AFF4: variants seen among roughly 807,000 people sequenced by gnomAD.
The protein encoded by AFF4 is AF4/FMR2 family member 4.
AFF4 carries 13 observed loss-of-function variants against 124.8 expected under a neutral mutation model. The observed-to-expected ratio is 0.10, with a 90% CI of 0.07 to 0.17. The LOEUF (loss-of-function observed/expected upper bound fraction) is 0.17. Ranked by LOEUF, AFF4 falls within the 10% of genes least tolerant of loss-of-function variation. The pLI, the probability that AFF4 is intolerant of heterozygous loss-of-function variation, is 1.00. For synonymous variants in AFF4, 477 were observed against 496.1 expected (o/e 0.96, Z 0.51); for missense variants, 1,092 against 1,403.8 (o/e 0.78, Z 3.55).
intron 13 of AFF4, 126 bp from the exon 14 acceptor site, chr5:132,889,299 G>T: frequency 5.1e-6 from 3 of 592,840 alleles, no homozygotes; most frequent in Admixed American, 3.1e-5. Context: ...GAATTTCCTT[G>T]TTACAAAACT....
At chr5:132,939,114 G>T (rs1761505903) in intron 1 of AFF4, among the ~76,000 whole-genome samples, 1 of 150,940 alleles carries the variant, frequency 6.6e-6, no homozygotes, top group Admixed American at 6.6e-5. Flanking sequence ...CTTCTCGGGA[G>T]GCTCAAGCAA....
At chr5:132,885,443 T>TA (rs1368003053) in intron 18 of AFF4, among the ~76,000 whole-genome samples, 8 of 103,278 alleles carry the variant, frequency 7.7e-5, no homozygotes, top group African/African-American at 3.3e-4. Context: ...ATCGTTTTTT[T>TA]TAAAAAACTC....
At chr5:132,919,976 T>C (rs1040637903) in intron 5 of AFF4, among the ~76,000 whole-genome samples, 3 of 149,810 alleles carry the variant, frequency 2.0e-5, no homozygotes, top group African/African-American at 7.3e-5. Flanking sequence ...AGACCTGGTC[T>C]CTTATTTAAA....
chr5:132,877,574 T>C lies in AFF4; in HGVS notation c.*3485A>G, dbSNP rs1581261988. 4.8e-6 allele frequency: 1 copy of C among 208,474 alleles called. No homozygotes were observed. Among genetic ancestry groups the C allele is most frequent in the African/African-American group, 2.3e-5 (1 of 43,932 alleles). The allele number at this position is 208,474 out of a possible 1,614,324, so 12.9% of individuals were successfully genotyped here. On this transcript the variant is annotated 3_prime_UTR_variant, in exon 21 of 21. Coordinates refer to ENST00000265343, the MANE Select transcript of AFF4 (RefSeq NM_014423.4). ...GTGTACAGAATTTTAAGATCCAAAG[T>C]TGCATACCCTTACACCTAGAAGAGT... is the stretch of plus-strand genomic sequence containing the variant.
At chr5:132,926,700 C>CTTTTTTTTTTTTTTT (rs56914896) in intron 5 of AFF4, 1 of 47,358 alleles carries the variant, frequency 2.1e-5, no homozygotes, top group East Asian at 8.8e-4. Flanking sequence ...CTATGCCAAG[C>CTTTTTTTTTTTTTTT]TTTTTTTTTT....
Position 132,917,566 on chromosome 5 carries a change from T to G in AFF4, c.1050+9555A>C, listed in dbSNP as rs1273614783. Among the ~76,000 whole-genome samples the G allele has an allele frequency of 2.0e-5, 3 of 152,254 alleles. No homozygotes were observed. The East Asian group carries it at 5.8e-4, about 29-fold the overall frequency. On this transcript the variant is annotated intron_variant, in intron 5 of 20. Transcript: ENST00000265343. Reference sequence around the variant, plus strand: ...TAAGGCATCCATTTGAAACAAACATTATAAAATCTTTATTCACAGGTGAAA... The same window carrying G: ...TAAGGCATCCATTTGAAACAAACATGATAAAATCTTTATTCACAGGTGAAA...
At position 132,893,421 on chromosome 5, in the gene AFF4, A is replaced by G. The variant is rs557139726; in HGVS notation, c.2308-303T>C. Among the ~76,000 whole-genome samples the G allele has an allele frequency of 6.6e-5, 10 of 152,368 alleles. No individual in the cohort carries two copies. In the South Asian group the frequency reaches 1.7e-3, roughly 25 times the overall value. On this transcript the variant is annotated intron_variant, in intron 11 of 20. Transcript: ENST00000265343. Reference sequence around the variant, plus strand: ...ATAATTAAGATATAATTTACATAACATAAAATTCACTCTTTAGAAGTGCAC... The same window carrying G: ...ATAATTAAGATATAATTTACATAACGTAAAATTCACTCTTTAGAAGTGCAC...
intron 1 of AFF4, among the ~76,000 whole-genome samples, chr5:132,950,815 T>C (rs1013304111): frequency 6.6e-6 from 1 of 152,216 alleles, no homozygotes; most frequent in African/African-American, 2.4e-5. Context: ...CATTTTGCTA[T>C]CTTCTAGACC....
intron 5 of AFF4, among the ~76,000 whole-genome samples, chr5:132,918,548 G>GA (rs1760968647): frequency 6.6e-6 from 1 of 151,732 alleles, no homozygotes; most frequent in Non-Finnish European, 1.5e-5. Flanking sequence ...TGTAATCCCA[G>GA]CTACCTGGGA....
chr5:132,936,941 C>T, intron 2 of AFF4, 126 bp downstream of exon 2: 2 of 1,278,944 alleles, frequency 1.6e-6, no homozygotes, highest in Non-Finnish European at 2.1e-6. Flanking sequence ...ATGTAAAGGA[C>T]AGGAAAAAAA....
chr5:132,901,705 G>C (rs188110804), intron 7 of AFF4, among the ~76,000 whole-genome samples: 22 of 152,252 alleles, frequency 1.4e-4, no homozygotes, highest in African/African-American at 5.1e-4. Context: ...GTTAAATGAA[G>C]GGCTTGGCCT....
At chr5:132,915,023 T>G (rs1389974070) in intron 5 of AFF4, among the ~76,000 whole-genome samples, 2 of 152,000 alleles carry the variant, frequency 1.3e-5, no homozygotes, top group African/African-American at 4.8e-5. Flanking sequence ...CAGAGATAAA[T>G]TCTAACAAAC....
chr5:132,918,088 A>T (rs1561494480), intron 5 of AFF4, among the ~76,000 whole-genome samples: 1 of 152,046 alleles, frequency 6.6e-6, no homozygotes, highest in Non-Finnish European at 1.5e-5. Flanking sequence ...TCCATTTATA[A>T]TAGCACTAAA....
rs987038183 is a variant in AFF4 at position 132,876,932 on chromosome 5, T to C, written c.*4127A>G. ...CCTCTTCTCACTACATATTCCAAGG[T>C]ATTCAATAATTATCTCTTCTATTAG... On this transcript the variant is annotated 3_prime_UTR_variant, in exon 21 of 21. Coordinates refer to ENST00000265343, the MANE Select transcript of AFF4 (RefSeq NM_014423.4). 1 of 198,350 alleles carries C rather than the reference T, an allele frequency of 5.0e-6. No individual in the cohort carries two copies. The highest frequency in any genetic ancestry group is 1.0e-5 in the Non-Finnish European group (1 of 95,908). 12.3% of individuals were successfully genotyped at this position (198,350 alleles called of 1,614,324 possible).
rs368535348 is a variant in AFF4, at chr5:132,893,629, T to C, written c.2308-511A>G. Among the ~76,000 whole-genome samples the C allele has an allele frequency of 4.0e-4, 61 of 152,302 alleles. No individual in the cohort carries two copies. The South Asian group carries it at 0.012, about 30-fold the overall frequency. On this transcript the variant is annotated intron_variant, in intron 11 of 20. Coordinates refer to ENST00000265343, the MANE Select transcript of AFF4 (RefSeq NM_014423.4). The stretch of plus-strand genomic sequence containing the variant: ...ACCTCCCAGGTTCAAGCGATTCTCC[T>C]GCCTCAGCCTCCCAGCTAATTTTTT...
At chr5:132,884,161 G>T (rs1264966436) in intron 19 of AFF4, among the ~76,000 whole-genome samples, 1 of 152,146 alleles carries the variant, frequency 6.6e-6, no homozygotes, top group African/African-American at 2.4e-5. Flanking sequence ...ATTAAAATTT[G>T]TGAAATGTTC....
chr5:132,893,212 C>A, intron 11 of AFF4, 94 bp from the exon 12 acceptor site: 2 of 978,836 alleles, frequency 2.0e-6, no homozygotes, highest in Non-Finnish European at 3.2e-6. Flanking sequence ...CATGATTAGG[C>A]ATCAGAAAGA....
chr5:132,881,765 C>T (rs1474592083), intron 20 of AFF4, among the ~76,000 whole-genome samples: 1 of 151,948 alleles, frequency 6.6e-6, no homozygotes, highest in Admixed American at 6.6e-5. Context: ...CGGTTCACTG[C>T]AACCCTGGTC....
chr5:132,955,748 A>G (rs1034233936), intron 1 of AFF4, among the ~76,000 whole-genome samples: 7 of 142,508 alleles, frequency 4.9e-5, no homozygotes, highest in Non-Finnish European at 9.0e-5. Flanking sequence ...ACTGCACTCC[A>G]GCCTGGGTGA....
Sources: allele counts gnomAD v4.1 joint callset (sites outside exome capture counted in the v4.1 genomes callset), GRCh38; gene constraint gnomAD v4.1.1; transcripts MANE v1.5; gene names NCBI Gene and HGNC (gene_info 2026-07-23, HGNC 2026-07-21).